The following FAT1 variants were observed in gnomAD, a reference collection of about 807,000 sequenced individuals.
FAT1 encodes the protein FAT atypical cadherin 1, also known as protocadherin Fat 1.
A neutral mutation model predicts 329.8 loss-of-function variants in FAT1; 171 were observed. The observed-to-expected ratio is 0.52, with a 90% CI of 0.46 to 0.59. FAT1 has a LOEUF of 0.59. FAT1 is among the 20% of genes least tolerant of loss of function. FAT1 has a pLI of 0.00. For missense variants in FAT1, 5,672 were observed against 5,774.4 expected (o/e 0.98, Z 0.57); for synonymous variants, 2,233 against 2,228.6 (o/e 1.00, Z -0.06).
chr4:186,636,795 G>A lies in FAT1; in HGVS notation c.3762C>T (p.Leu1254=), dbSNP rs1740845188. The change falls in exon 5 of 27, where the codon CTC becomes CTT. Residue 1254 remains leucine (L), a synonymous_variant. Transcript: ENST00000441802. The part of the protein sequence containing the change: ...QFLQKFYKIR[L]PEREKPDRER... ...CTCGGTCTGGCTTTTCCCGCTCAGG[G>A]AGTCTGATTTTGTAGAACTTTTGCA... 1.2e-6 allele frequency: 2 copies of A among 1,613,946 alleles called. No homozygotes were observed. The highest frequency in any genetic ancestry group is 1.7e-6 in the Non-Finnish European group (2 of 1,179,876).
chr4:186,667,341 C>A (rs1367319741), intron 2 of FAT1, among the ~76,000 whole-genome samples: 1 of 151,854 alleles, frequency 6.6e-6, no homozygotes, highest in African/African-American at 2.4e-5. Context: ...CGGTAATCTA[C>A]GGATATTACT....
chr4:186,621,449 T>G lies in FAT1; in HGVS notation c.5137A>C (p.Asn1713His). Residue 1713 changes from asparagine to histidine, a missense_variant, in exon 10 of 27, where the codon AAT becomes CAT. By Grantham distance (68) the Asn-to-His change is moderately conservative. This residue lies in a region of FAT1 where 3,966 missense variants were observed against 3,915.2 expected (regional missense o/e 1.01). Transcript: ENST00000441802. The stretch of plus-strand genomic sequence containing the variant: ...GTGATGATAGTTCCAGAATGTGGAT[T>G]AATATCAAAAGCATCACCTGTATTT... ...DGNTGDAFDINPHSGTIITQK... is the reference protein window; with the variant it reads ...DGNTGDAFDIHPHSGTIITQK... The G allele has an allele frequency of 6.2e-7, 1 of 1,614,046 alleles. No individual in the cohort carries two copies. The highest frequency in any genetic ancestry group is 8.5e-7 in the Non-Finnish European group (1 of 1,179,888).
At chr4:186,631,881 AC>A (rs1445160908) in intron 7 of FAT1, among the ~76,000 whole-genome samples, 1 of 146,750 alleles carries the variant, frequency 6.8e-6, no homozygotes, top group African/African-American at 2.5e-5. Flanking sequence ...CAGCTGCTGC[AC>A]CCCCCTCCCG....
intron 3 of FAT1, among the ~76,000 whole-genome samples, chr4:186,661,764 T>C (rs1298078489): frequency 6.6e-6 from 1 of 152,144 alleles, no homozygotes; most frequent in African/African-American, 2.4e-5. Context: ...GAACCGTCAC[T>C]TGGAGCTGGT....
intron 1 of FAT1, among the ~76,000 whole-genome samples, chr4:186,713,809 T>C (rs1745083057): frequency 6.6e-6 from 1 of 152,094 alleles, no homozygotes; most frequent in Non-Finnish European, 1.5e-5. Context: ...AGATTTAGAC[T>C]GACAGAATTT....
At chr4:186,694,530 T>G (rs555497186) in intron 2 of FAT1, among the ~76,000 whole-genome samples, 1 of 152,366 alleles carries the variant, frequency 6.6e-6, no homozygotes, top group South Asian at 2.1e-4. Flanking sequence ...AAAACTACTT[T>G]TAGTTTACAT....
chr4:186,643,847 C>T (rs1449339313), intron 3 of FAT1, among the ~76,000 whole-genome samples: 1 of 128,260 alleles, frequency 7.8e-6, no homozygotes, highest in Non-Finnish European at 1.6e-5. Context: ...TAAAGTACAA[C>T]TGCTCCATAT....
Position 186,708,191 on chromosome 4 carries a change from G to A in FAT1, c.1637C>T (p.Pro546Leu), listed in dbSNP as rs1373737710. The change falls in exon 2 of 27, where the codon CCG (proline) becomes CTG (leucine). Residue 546 changes from proline to leucine, a missense_variant. By Grantham distance (98) the Pro-to-Leu change is moderately conservative. Coordinates refer to ENST00000441802, the MANE Select transcript of FAT1 (RefSeq NM_005245.4). ...LRIRASDWGL[P>L]YRREVEVLAT... is the part of the protein sequence containing the mutation. ...AAGGACTTCGACTTCCCGGCGGTAC[G>A]GCAAGCCCCAGTCTGATGCACGAAT... 1.1e-5 allele frequency: 17 copies of A among 1,613,918 alleles called. No individual in the cohort carries two copies. Among genetic ancestry groups the A allele is most frequent in the Non-Finnish European group, 1.4e-5 (16 of 1,179,876 alleles).
chr4:186,613,038 G>T, intron 13 of FAT1, 71 bp downstream of exon 13: 1 of 984,316 alleles, frequency 1.0e-6, no homozygotes, highest in Non-Finnish European at 1.6e-6. Flanking sequence ...CTGAATCTGG[G>T]GTGTGTTTTG....
At chr4:186,674,510 G>A (rs1423039929) in intron 2 of FAT1, among the ~76,000 whole-genome samples, 2 of 152,170 alleles carry the variant, frequency 1.3e-5, no homozygotes, top group Non-Finnish European at 1.5e-5. Flanking sequence ...CACTGTTAGT[G>A]GAAAAACAGG....
chr4:186,628,087 T>C lies in FAT1; in HGVS notation c.4810+67A>G, dbSNP rs539299156. On this transcript the variant is annotated intron_variant, in intron 9 of 26. Transcript: ENST00000441802. Reference sequence around the variant, plus strand: ...AATGCTTCAATACCCAGAACTGATTTTGGAAAAGTAGAAACAGACTTTTAA... The same window carrying C: ...AATGCTTCAATACCCAGAACTGATTCTGGAAAAGTAGAAACAGACTTTTAA... 7 of 1,528,364 alleles carry C rather than the reference T, an allele frequency of 4.6e-6. No individual in the cohort carries two copies. The African/African-American group carries it at 5.5e-5, about 12-fold the overall frequency. 94.7% of individuals were successfully genotyped at this position (1,528,364 alleles called of 1,614,324 possible). A position where few individuals can be genotyped will look rare whatever the true frequency, so the allele number is the denominator to read the frequency against.
At position 186,685,679 on chromosome 4, in the gene FAT1, G is replaced by C. The variant is rs766092312; in HGVS notation, c.3265+20884C>G. 3.9e-5 allele frequency among the ~76,000 whole-genome samples: 6 copies of C among 152,290 alleles called. No homozygotes were observed. The South Asian group carries it at 6.2e-4, about 16-fold the overall frequency. The stretch of plus-strand genomic sequence containing the variant: ...TATTCTACAATTAAAACATAACTCT[G>C]ATTTCTATAAAACCAACATACATTT... On this transcript the variant is annotated intron_variant, in intron 2 of 26. Transcript: ENST00000441802.
intron 2 of FAT1, among the ~76,000 whole-genome samples, chr4:186,668,635 C>CA (rs2126628469): frequency 6.6e-6 from 1 of 152,312 alleles, no homozygotes; most frequent in South Asian, 2.1e-4. Context: ...TGCCTTTACT[C>CA]ATTAAGTCAT....
At chr4:186,722,306 C>T (rs766558623) in intron 1 of FAT1, among the ~76,000 whole-genome samples, 10 of 152,166 alleles carry the variant, frequency 6.6e-5, no homozygotes, top group Non-Finnish European at 1.5e-4. Flanking sequence ...TTCCAGAGTG[C>T]CAAAGAATTT....
chr4:186,662,841 A>G (rs1579408842), intron 3 of FAT1, among the ~76,000 whole-genome samples: 1 of 147,892 alleles, frequency 6.8e-6, no homozygotes, highest in South Asian at 2.2e-4. Context: ...ATTTAAGCTA[A>G]TTTTTTTTTT....
Position 186,693,597 on chromosome 4 carries a change from G to T in FAT1, c.3265+12966C>A. ...AGGGCCCTCGAGCTCAACAGCAACT[G>T]ATCAAACATGAGTCAGCCCGTGGAA... On this transcript the variant is annotated intron_variant, in intron 2 of 26. Transcript: ENST00000441802. Among the ~76,000 whole-genome samples, 2 of 145,160 alleles carry T rather than the reference G, an allele frequency of 1.4e-5. 1 individual carries two copies.
intron 24 of FAT1, 97 bp downstream of exon 24, chr4:186,597,585 C>T: frequency 2.5e-6 from 2 of 792,038 alleles, no homozygotes; most frequent in South Asian, 1.5e-5. Flanking sequence ...CAAAATCTGA[C>T]ATAATGTAGT....
intron 3 of FAT1, among the ~76,000 whole-genome samples, chr4:186,652,296 T>G (rs1028764770): frequency 6.6e-6 from 1 of 152,216 alleles, no homozygotes; most frequent in South Asian, 2.1e-4. Context: ...TTTATAAGGT[T>G]AACATCATGT....
In FAT1 at chr4:186,623,806, G is replaced by GT. The variant is rs544180331; in HGVS notation, c.4811-2032dup. Among the ~76,000 whole-genome samples, 47 of 152,242 alleles carry GT rather than the reference G, an allele frequency of 3.1e-4. No homozygotes were observed. The East Asian group carries it at 9.1e-3, about 29-fold the overall frequency. On this transcript the variant is annotated intron_variant, in intron 9 of 26. Coordinates refer to ENST00000441802, the MANE Select transcript of FAT1 (RefSeq NM_005245.4). ...TACTGTTTCTGTCTCATCGCCCTGT[G>GT]TTTTCTTTACAGCATGGATTACAAC...
Sources: allele counts gnomAD v4.1 joint callset (sites outside exome capture counted in the v4.1 genomes callset), GRCh38; gene constraint gnomAD v4.1.1; regional missense constraint gnomAD v4.1.1; transcripts MANE v1.5; gene names NCBI Gene and HGNC (gene_info 2026-07-23, HGNC 2026-07-21).